The following GIGYF2 variants were observed in gnomAD, a reference collection of about 807,000 sequenced individuals.
The protein encoded by GIGYF2 is GRB10 interacting GYF protein 2.
GIGYF2 carries 25 observed loss-of-function variants against 208.1 expected under a neutral mutation model. The observed-to-expected ratio is 0.12, with a 90% CI of 0.09 to 0.17. The LOEUF (loss-of-function observed/expected upper bound fraction) is 0.17. GIGYF2 is among the 10% of genes least tolerant of loss of function. The probability of loss-of-function intolerance (pLI) is 1.00; values close to 1 mark genes in which losing one functional copy is unlikely to be tolerated. For synonymous variants in GIGYF2, 534 were observed against 543.8 expected, an observed-to-expected ratio of 0.98 and a Z score of 0.25; for missense variants, 1,302 against 1,579.4, an observed-to-expected ratio of 0.82 and a Z score of 2.98.
intron 2 of GIGYF2, among the ~76,000 whole-genome samples, chr2:232,724,400 TC>T (rs952778765): frequency 7.9e-5 from 12 of 151,894 alleles, no homozygotes; most frequent in Admixed American, 7.2e-4. Context: ...TTTGTGGTCT[TC>T]CCTTCTCACC....
At chr2:232,723,837 A>G (rs940182355) in intron 2 of GIGYF2, among the ~76,000 whole-genome samples, 1 of 145,762 alleles carries the variant, frequency 6.9e-6, no homozygotes, top group African/African-American at 2.6e-5. Flanking sequence ...GGTTCAAGTG[A>G]TTCTCCTGCC....
At chr2:232,719,884 C>G (rs1200394829) in intron 2 of GIGYF2, among the ~76,000 whole-genome samples, 1 of 151,744 alleles carries the variant, frequency 6.6e-6, no homozygotes, top group African/African-American at 2.4e-5. Context: ...TCTGAAAAAG[C>G]AGTTATGTAG....
intron 8 of GIGYF2, among the ~76,000 whole-genome samples, chr2:232,773,279 A>C (rs888413224): frequency 6.6e-6 from 1 of 152,206 alleles, no homozygotes; most frequent in African/African-American, 2.4e-5. Flanking sequence ...AAATCTTCAT[A>C]GGCACTGTGA....
chr2:232,829,568 G>C (rs1413760402), intron 21 of GIGYF2, among the ~76,000 whole-genome samples: 1 of 152,210 alleles, frequency 6.6e-6, no homozygotes, highest in Non-Finnish European at 1.5e-5. Flanking sequence ...CAGTTACTGA[G>C]TTTTTCCAGC....
rs529594112 is a variant in GIGYF2, at chr2:232,814,352, G to C, written c.2108-1285G>C. On this transcript the variant is annotated intron_variant, in intron 18 of 28. Transcript: ENST00000373563. ...CCGAGGTGGGTGGATCACGAAGTCA[G>C]AAGTTCGAGACCAGCCTGGCCAAGA... Among the ~76,000 whole-genome samples, 452 of 152,064 alleles carry C rather than the reference G, an allele frequency of 3.0e-3. 3 individuals are homozygous for C. The highest frequency in any genetic ancestry group is 5.1e-3 in the Admixed American group (78 of 15,280).
At chr2:232,804,702 A>T (rs1171331949) in intron 14 of GIGYF2, among the ~76,000 whole-genome samples, 1 of 152,156 alleles carries the variant, frequency 6.6e-6, no homozygotes, top group Non-Finnish European at 1.5e-5. Flanking sequence ...CATGTTGGCC[A>T]GGCTGGTCTC....
intron 8 of GIGYF2, among the ~76,000 whole-genome samples, chr2:232,763,625 G>A (rs1698832410): frequency 6.6e-6 from 1 of 152,048 alleles, no homozygotes; most frequent in Non-Finnish European, 1.5e-5. Context: ...AGGAGTTGGA[G>A]ACCAGCTTGG....
rs1044971096 is a variant in GIGYF2, at chr2:232,833,722, A to C, written c.2766+629A>C. The stretch of plus-strand genomic sequence containing the variant: ...TAAATGAGACAAGGCAGTTGCTCCC[A>C]GAGAGCTCACCAACTTAAAAATATA... On this transcript the variant is annotated intron_variant, in intron 22 of 28. Coordinates refer to ENST00000373563, the MANE Select transcript of GIGYF2 (RefSeq NM_001103146.3). Among the ~76,000 whole-genome samples, 4 of 152,246 alleles carry C rather than the reference A, an allele frequency of 2.6e-5. No individual in the cohort carries two copies. In the East Asian group the frequency reaches 7.7e-4, roughly 29 times the overall value.
At chr2:232,782,187 T>G (rs911306575) in intron 8 of GIGYF2, among the ~76,000 whole-genome samples, 2 of 152,146 alleles carry the variant, frequency 1.3e-5, no homozygotes, top group African/African-American at 2.4e-5. Flanking sequence ...AAATGGTAAA[T>G]TAGTACTATT....
intron 1 of GIGYF2, among the ~76,000 whole-genome samples, chr2:232,699,741 G>A (rs1209116650): frequency 6.6e-6 from 1 of 152,126 alleles, no homozygotes; most frequent in East Asian, 1.9e-4. Context: ...AACATACCAG[G>A]AAGAAAGGTG....
intron 20 of GIGYF2, among the ~76,000 whole-genome samples, chr2:232,817,241 A>G (rs1196850216): frequency 6.6e-6 from 1 of 152,204 alleles, no homozygotes; most frequent in African/African-American, 2.4e-5. Flanking sequence ...TAGAATTGAT[A>G]TTCTTTGCAT....
intron 2 of GIGYF2, among the ~76,000 whole-genome samples, chr2:232,704,558 C>A (rs1044979878): frequency 5.3e-5 from 8 of 152,026 alleles, no homozygotes; most frequent in Non-Finnish European, 1.0e-4. Flanking sequence ...GTATTCGCCA[C>A]CACACCCAGC....
rs545527994 is a variant in GIGYF2, at chr2:232,756,363, T to TGGA, written c.379+45_379+47dup. On this transcript the variant is annotated intron_variant, in intron 6 of 28. Coordinates refer to ENST00000373563, the MANE Select transcript of GIGYF2 (RefSeq NM_001103146.3). Reference sequence around the variant, plus strand: ...AGCTTTCATATGAAAAAAGTAATAATGGAGGAGGAGGAGGAGGATAGAGAA... The same window carrying TGGA: ...AGCTTTCATATGAAAAAAGTAATAATGGAGGAGGAGGAGGAGGAGGATAGAGAA... 2.1e-4 allele frequency: 249 copies of TGGA among 1,158,674 alleles called. No homozygotes were observed. The African/African-American group carries it at 3.3e-3, about 15-fold the overall frequency. The allele number at this position is 1,158,674 out of a possible 1,614,324, so 71.8% of individuals were successfully genotyped here.
intron 28 of GIGYF2, among the ~76,000 whole-genome samples, chr2:232,851,009 TG>T (rs1690292788): frequency 6.6e-6 from 1 of 152,166 alleles, no homozygotes; most frequent in Admixed American, 6.6e-5. Context: ...CACCCTTCTG[TG>T]TTACCCACGG....
In GIGYF2 at chr2:232,856,876, C is replaced by T; in HGVS notation, c.*16C>T. 2 of 1,569,284 alleles carry T rather than the reference C, an allele frequency of 1.3e-6. No individual in the cohort carries two copies. Among genetic ancestry groups the T allele is most frequent in the Non-Finnish European group, 1.8e-6 (2 of 1,138,938 alleles). On this transcript the variant is annotated 3_prime_UTR_variant, in exon 29 of 29. Transcript: ENST00000373563. ...TGACTACTGAGCACCTGCCAGTGGA[C>T]TGGCCATCCCTCTCCTGTCTGCCGA...
intron 2 of GIGYF2, among the ~76,000 whole-genome samples, chr2:232,707,504 T>A (rs146676305): frequency 6.6e-6 from 1 of 152,176 alleles, no homozygotes; most frequent in Admixed American, 6.5e-5. Context: ...GTGGTGCTGC[T>A]CAAACCATGA....
rs1333287789 is a variant in GIGYF2 at position 232,735,249 on chromosome 2, A to G, written c.41+11A>G. Reference sequence around the variant, plus strand: ...CTTTGGGCCTGAATGGTGAGTTTTCAAAATCTCATCTTCTTTGATATTGGA... The same window carrying G: ...CTTTGGGCCTGAATGGTGAGTTTTCGAAATCTCATCTTCTTTGATATTGGA... On this transcript the variant is annotated intron_variant, in intron 3 of 28. Transcript: ENST00000373563. 6.3e-7 allele frequency: 1 copy of G among 1,580,776 alleles called. No homozygotes were observed. Among genetic ancestry groups the G allele is most frequent in the South Asian group, 1.1e-5 (1 of 90,280 alleles).
rs149564827 is a variant in GIGYF2 at position 232,736,053 on chromosome 2, A to G, written c.41+815A>G. ...GATGCAGACTTCCTGTAGTAACTCTATTTGAGGAGTCTTATTAACTTATCC... is the reference window on the plus strand; with the variant it reads ...GATGCAGACTTCCTGTAGTAACTCTGTTTGAGGAGTCTTATTAACTTATCC... On this transcript the variant is annotated intron_variant, in intron 3 of 28. Transcript: ENST00000373563. 1,792 of 975,686 alleles carry G rather than the reference A, an allele frequency of 1.8e-3. 39 individuals carry two copies. The Admixed American group carries it at 0.055, about 30-fold the overall frequency. The allele number at this position is 975,686 out of a possible 1,614,324, so 60.4% of individuals were successfully genotyped here.
chr2:232,788,848 C>A (rs1451424395), intron 9 of GIGYF2, among the ~76,000 whole-genome samples: 1 of 151,838 alleles, frequency 6.6e-6, no homozygotes, highest in East Asian at 1.9e-4. Flanking sequence ...TGGCTGAAAT[C>A]CATATATTTT....
Sources: gnomAD v4.1 joint callset for allele counts (sites outside exome capture counted in the v4.1 genomes callset) on GRCh38, gnomAD v4.1.1 for gene constraint, MANE v1.5 for transcripts, NCBI Gene and HGNC (gene_info 2026-07-23, HGNC 2026-07-21) for gene names.